RBFOX3: variants seen among roughly 807,000 people sequenced by gnomAD.
RBFOX3 encodes the protein RNA binding fox-1 homolog 3.
In RBFOX3, 17 loss-of-function variants were observed where a neutral mutation model predicts 48.7. The observed-to-expected ratio is 0.35, with a 90% CI of 0.24 to 0.52. RBFOX3 has a LOEUF of 0.52. Among genes scored for constraint, RBFOX3 ranks in the 20% least tolerant of loss-of-function variants. The pLI, the probability that RBFOX3 is intolerant of heterozygous loss-of-function variation, is 0.94. For missense variants in RBFOX3, 382 were observed against 497.5 expected (o/e 0.77, Z 2.21); for synonymous variants, 212 against 209.5 (o/e 1.01, Z -0.10).
At chr17:79,414,294 A>T (rs972480354) in intron 2 of RBFOX3, among the ~76,000 whole-genome samples, 1 of 152,238 alleles carries the variant, frequency 6.6e-6, no homozygotes, top group Non-Finnish European at 1.5e-5. Flanking sequence ...CATGGAGACT[A>T]TTAAAAATAG....
intron 3 of RBFOX3, among the ~76,000 whole-genome samples, chr17:79,287,014 G>A (rs1442784090): frequency 2.0e-5 from 3 of 152,370 alleles, no homozygotes; most frequent in African/African-American, 4.8e-5. Flanking sequence ...GTTCACTAGC[G>A]GTGCTTCCCC....
At chr17:79,360,418 C>A (rs2086096081) in intron 2 of RBFOX3, among the ~76,000 whole-genome samples, 1 of 152,216 alleles carries the variant, frequency 6.6e-6, no homozygotes, top group Non-Finnish European at 1.5e-5. Flanking sequence ...AAGCTGCTCA[C>A]CAGCCCCGCC....
chr17:79,090,536 C>A lies in RBFOX3; in HGVS notation c.*347G>T. On this transcript the variant is annotated 3_prime_UTR_variant, in exon 15 of 15. Transcript: ENST00000693108. ...GGAGTTGGGGGCTGGGAAAGGAAGA[C>A]TGGATGGAAAACAGAGCCCCCCACG... The A allele has an allele frequency of 3.2e-6, 1 of 308,400 alleles. No individual in the cohort carries two copies. Among genetic ancestry groups the A allele is most frequent in the Non-Finnish European group, 6.0e-6 (1 of 167,218 alleles). 19.1% of individuals were successfully genotyped at this position (308,400 alleles called of 1,614,324 possible).
At chr17:79,485,017 C>T (rs1306488076) in intron 1 of RBFOX3, among the ~76,000 whole-genome samples, 1 of 152,156 alleles carries the variant, frequency 6.6e-6, no homozygotes, top group Non-Finnish European at 1.5e-5. Context: ...ATCACCTCCT[C>T]CCCAGACAGG....
rs2071531496 is a variant in RBFOX3 at position 79,443,278 on chromosome 17, C to T, written c.-175+39176G>A. On this transcript the variant is annotated intron_variant, in intron 2 of 14. Coordinates refer to ENST00000693108, the MANE Select transcript of RBFOX3 (RefSeq NM_001350451.2). This position sits in a 1 kb window ranked among gnomAD's most constrained non-coding sequence, Gnocchi z 4.4. ...GTGTGTGTCACCAGGCCTCTGCCAC[C>T]GGCCTCGCCACGGGGGAGACCAGGC... is the stretch of plus-strand genomic sequence containing the variant. 6.6e-6 allele frequency among the ~76,000 whole-genome samples: 1 copy of T among 152,270 alleles called. No individual in the cohort carries two copies. Among genetic ancestry groups the T allele is most frequent in the Non-Finnish European group, 1.5e-5 (1 of 68,044 alleles).
chr17:79,584,311 C>T (rs2093169558), intron 1 of RBFOX3, among the ~76,000 whole-genome samples: 1 of 152,158 alleles, frequency 6.6e-6, no homozygotes, highest in Non-Finnish European at 1.5e-5. Context: ...CTAGTACAGC[C>T]ACTATGGAAA....
At chr17:79,640,428 C>T in the RBFOX3 span, among the ~76,000 whole-genome samples, 103 of 152,230 alleles carry the variant, frequency 6.8e-4, no homozygotes, top group African/African-American at 2.4e-3. Context: ...ATCAAAATCC[C>T]GATGGCATTC....
intron 1 of RBFOX3, among the ~76,000 whole-genome samples, chr17:79,526,616 A>G (rs924754526): frequency 6.6e-6 from 1 of 152,194 alleles, no homozygotes; most frequent in Non-Finnish European, 1.5e-5. Context: ...GGGAAAAACC[A>G]CAAAGGCAAT....
intron 2 of RBFOX3, among the ~76,000 whole-genome samples, chr17:79,316,150 G>C (rs1187417843): frequency 1.3e-5 from 2 of 152,120 alleles, no homozygotes; most frequent in Non-Finnish European, 2.9e-5. Context: ...GAGGCTGCGC[G>C]GAAGAGGAGA....
intron 3 of RBFOX3, among the ~76,000 whole-genome samples, chr17:79,288,333 T>C (rs1567981726): frequency 6.6e-6 from 1 of 152,148 alleles, no homozygotes; most frequent in Non-Finnish European, 1.5e-5. Context: ...ACACAAATAC[T>C]TGCCATCAGA....
chr17:79,597,225 T>C lies in RBFOX3; in HGVS notation c.-320+13601A>G, dbSNP rs1032391596. ...ATCACCTCCTGTCTTGCTGCTAAAA[T>C]ATCCCAGCCGTGGAAAAGCAAGGCT... On this transcript the variant is annotated intron_variant, in intron 1 of 14. Coordinates refer to ENST00000693108, the MANE Select transcript of RBFOX3 (RefSeq NM_001350451.2). Among the ~76,000 whole-genome samples the C allele has an allele frequency of 1.6e-4, 25 of 152,284 alleles. No homozygotes were observed. In the South Asian group the frequency reaches 4.6e-3, roughly 28 times the overall value.
intron 4 of RBFOX3, among the ~76,000 whole-genome samples, chr17:79,218,312 G>A (rs1230681392): frequency 6.6e-6 from 1 of 152,046 alleles, no homozygotes; most frequent in Non-Finnish European, 1.5e-5. Flanking sequence ...AGCAGGAGAG[G>A]AGGAGGATCC....
At position 79,481,594 on chromosome 17, in the gene RBFOX3, C is replaced by A. The variant is rs1488955810; in HGVS notation, c.-175+860G>T. The stretch of plus-strand genomic sequence containing the variant: ...GGGTTGGAAATTTCACTCCCCACCT[C>A]AGGGGAGCAGAGAGGGCTAGAGACA... On this transcript the variant is annotated intron_variant, in intron 2 of 14. Transcript: ENST00000693108. This position sits in a 1 kb window ranked among gnomAD's most constrained non-coding sequence, Gnocchi z 5.4. Among the ~76,000 whole-genome samples the A allele has an allele frequency of 1.3e-5, 2 of 152,152 alleles. No homozygotes were observed. Among genetic ancestry groups the A allele is most frequent in the Non-Finnish European group, 2.9e-5 (2 of 68,010 alleles).
chr17:79,481,943 C>T lies in RBFOX3; in HGVS notation c.-175+511G>A, dbSNP rs1043719621. ...TTGGCCCAAACCCTGTGGAGTCTGA[C>T]GCTGACTCCGGCGGTTAGTGTCAGA... On this transcript the variant is annotated intron_variant, in intron 2 of 14. Coordinates refer to ENST00000693108, the MANE Select transcript of RBFOX3 (RefSeq NM_001350451.2). This position sits in a 1 kb window ranked among gnomAD's most constrained non-coding sequence, Gnocchi z 5.4. 5.7e-4 allele frequency among the ~76,000 whole-genome samples: 87 copies of T among 152,244 alleles called. No individual in the cohort carries two copies. Among genetic ancestry groups the T allele is most frequent in the African/African-American group, 2.0e-3 (84 of 41,556 alleles).
intron 2 of RBFOX3, among the ~76,000 whole-genome samples, chr17:79,325,201 G>A (rs2079117771): frequency 6.6e-6 from 1 of 152,214 alleles, no homozygotes; most frequent in Non-Finnish European, 1.5e-5. Flanking sequence ...ACAAATGGTG[G>A]CAGGGAGCTG....
At chr17:79,586,219 A>G (rs1352688700) in intron 1 of RBFOX3, among the ~76,000 whole-genome samples, 5 of 152,214 alleles carry the variant, frequency 3.3e-5, no homozygotes, top group African/African-American at 1.2e-4. Flanking sequence ...GTGGGGCCTC[A>G]GCAGGCCTTG....
At chr17:79,095,408 G>A in intron 13 of RBFOX3, 105 bp downstream of exon 13, 1 of 1,029,358 alleles carries the variant, frequency 9.7e-7, no homozygotes, top group Non-Finnish European at 1.4e-6. Context: ...CGCCAGGCCT[G>A]GAAGAGTGGG....
the RBFOX3 span, among the ~76,000 whole-genome samples, chr17:79,625,741 G>A: frequency 4.6e-5 from 7 of 152,168 alleles, no homozygotes; most frequent in African/African-American, 1.4e-4. Context: ...GCAGTGAGCC[G>A]AAATCGAGCC....
At chr17:79,260,087 C>T (rs1244696764) in intron 3 of RBFOX3, among the ~76,000 whole-genome samples, 5 of 151,952 alleles carry the variant, frequency 3.3e-5, no homozygotes, top group African/African-American at 1.2e-4. Context: ...GCTGTCTGCA[C>T]ATCCCTTATT....
Sources: allele counts gnomAD v4.1 joint callset (sites outside exome capture counted in the v4.1 genomes callset), GRCh38; gene constraint gnomAD v4.1.1; non-coding constraint Gnocchi (gnomAD v3.1); transcripts MANE v1.5; gene names NCBI Gene and HGNC (gene_info 2026-07-23, HGNC 2026-07-21).